Variants in CFAP20DC observed in about 807,000 individuals in gnomAD.
CFAP20DC encodes the protein CFAP20 domain containing.
In CFAP20DC, 84 loss-of-function variants were observed where a neutral mutation model predicts 101.7. The ratio of observed to expected loss-of-function variants is 0.83; its 90% CI spans 0.69 to 0.99. CFAP20DC has a LOEUF of 0.99. Among genes scored for constraint, CFAP20DC ranks in the 50% least tolerant of loss-of-function variants. CFAP20DC has a pLI of 0.00. For missense variants in CFAP20DC, 1,007 were observed against 970.3 expected (o/e 1.04, Z -0.50); for synonymous variants, 359 against 351.2 (o/e 1.02, Z -0.25).
intron 15 of CFAP20DC, chr3:58,794,239 C>T (rs2073068031): frequency 5.0e-6 from 2 of 398,012 alleles, no homozygotes; most frequent in Admixed American, 2.9e-5. Context: ...TTTTTTTTTC[C>T]CATGCCTACA....
At chr3:58,939,213 G>A (rs962089355) in intron 4 of CFAP20DC, among the ~76,000 whole-genome samples, 1 of 152,048 alleles carries the variant, frequency 6.6e-6, no homozygotes, top group African/African-American at 2.4e-5. Flanking sequence ...CTATATGGCA[G>A]GTATGTACAA....
intron 4 of CFAP20DC, among the ~76,000 whole-genome samples, chr3:58,988,729 T>C (rs1394699219): frequency 6.6e-5 from 10 of 152,198 alleles, no homozygotes; most frequent in Admixed American, 5.2e-4. Context: ...GAAATGTAAA[T>C]ATAAAATATG....
At chr3:58,891,359 C>T (rs1436663647) in intron 6 of CFAP20DC, among the ~76,000 whole-genome samples, 4 of 150,538 alleles carry the variant, frequency 2.7e-5, no homozygotes, top group Admixed American at 2.7e-4. Flanking sequence ...GCCGAGATGG[C>T]AGCAGTACAG....
intron 12 of CFAP20DC, among the ~76,000 whole-genome samples, chr3:58,854,270 A>G (rs1293684678): frequency 1.3e-5 from 2 of 151,698 alleles, no homozygotes; most frequent in Admixed American, 1.3e-4. Flanking sequence ...TAGGAATCCA[A>G]CTTACAAGGG....
intron 4 of CFAP20DC, among the ~76,000 whole-genome samples, chr3:59,023,475 T>G (rs1217107418): frequency 6.6e-6 from 1 of 151,962 alleles, no homozygotes; most frequent in Non-Finnish European, 1.5e-5. Flanking sequence ...AGTGGAGAGA[T>G]GGGATTAGGT....
chr3:58,835,096 C>A (rs1451696288), intron 13 of CFAP20DC, among the ~76,000 whole-genome samples: 1 of 152,176 alleles, frequency 6.6e-6, no homozygotes, highest in East Asian at 1.9e-4. Context: ...CTTCTCTGTC[C>A]CCCTTCTTCC....
chr3:58,813,108 A>G (rs2074803838), intron 14 of CFAP20DC, among the ~76,000 whole-genome samples: 1 of 151,874 alleles, frequency 6.6e-6, no homozygotes, highest in Non-Finnish European at 1.5e-5. Context: ...CAAGGCAGTC[A>G]TTTTCCCCAA....
chr3:58,909,828 T>G (rs2083966751), intron 6 of CFAP20DC, among the ~76,000 whole-genome samples: 2 of 152,162 alleles, frequency 1.3e-5, no homozygotes, highest in Admixed American at 1.3e-4. Context: ...CAACTCATCA[T>G]CTAAGTATTA....
chr3:58,900,326 C>T (rs182269574), intron 6 of CFAP20DC, among the ~76,000 whole-genome samples: 9 of 152,324 alleles, frequency 5.9e-5, no homozygotes, highest in Non-Finnish European at 1.2e-4. Context: ...TTAATAACAG[C>T]CTGGACTAGA....
At chr3:58,719,824 C>G (rs1559522549) in intron 3 of CFAP20DC, among the ~76,000 whole-genome samples, 1 of 152,224 alleles carries the variant, frequency 6.6e-6, no homozygotes. Flanking sequence ...TCAGACAGAA[C>G]TGACTGGAGT....
Position 58,950,595 on chromosome 3 carries a change from G to T in CFAP20DC, c.279-12833C>A, listed in dbSNP as rs534903380. ...CCAATGGAACAGAACAGAACTCTCA[G>T]AAATAACACCGCATATCTACAACCA... On this transcript the variant is annotated intron_variant, in intron 4 of 16. Coordinates refer to ENST00000482387, the MANE Select transcript of CFAP20DC (RefSeq NM_001394063.1). Among the ~76,000 whole-genome samples, 6 of 152,258 alleles carry T rather than the reference G, an allele frequency of 3.9e-5. No homozygotes were observed. The South Asian group carries it at 1.2e-3, about 32-fold the overall frequency.
chr3:59,021,764 C>T (rs987555894), intron 4 of CFAP20DC, among the ~76,000 whole-genome samples: 8 of 151,974 alleles, frequency 5.3e-5, no homozygotes, highest in Admixed American at 2.0e-4. Context: ...AACTGAGCAG[C>T]AGACTTACAA....
rs540233738 is a variant in CFAP20DC at position 58,717,508 on chromosome 3, A to C, written c.*80T>G. 1.3e-5 allele frequency: 5 copies of C among 392,682 alleles called. No homozygotes were observed. In the East Asian group the frequency reaches 3.8e-4, roughly 30 times the overall value. The allele number at this position is 392,682 out of a possible 1,614,324, so 24.3% of individuals were successfully genotyped here. On this transcript the variant is annotated 3_prime_UTR_variant, in exon 4 of 4. Coordinates refer to the CFAP20DC transcript ENST00000486145. The surrounding 1 kb of genome is among the most constrained non-coding windows in gnomAD (Gnocchi z 4.1). ...GTTCTGGAAACTGTAGTTCAGGATG[A>C]GTATAGATGCTCAAGGAAGAAGTGA...
intron 3 of CFAP20DC, among the ~76,000 whole-genome samples, chr3:58,730,432 G>T (rs1292354051): frequency 6.6e-6 from 1 of 152,170 alleles, no homozygotes; most frequent in Admixed American, 6.5e-5. Flanking sequence ...GAGTTAGTAG[G>T]CTGTTCAATG....
At chr3:59,032,786 A>C (rs1408053399) in intron 4 of CFAP20DC, among the ~76,000 whole-genome samples, 1 of 152,072 alleles carries the variant, frequency 6.6e-6, no homozygotes, top group East Asian at 1.9e-4. Context: ...GCAGACTTAA[A>C]CGTTCCTGCC....
intron 14 of CFAP20DC, among the ~76,000 whole-genome samples, chr3:58,812,832 G>C (rs1353259314): frequency 6.6e-6 from 1 of 151,796 alleles, no homozygotes; most frequent in African/African-American, 2.4e-5. Context: ...CCCAGTCATT[G>C]GACCTCATAG....
chr3:58,932,795 A>T (rs2086901511), intron 5 of CFAP20DC, among the ~76,000 whole-genome samples: 1 of 152,228 alleles, frequency 6.6e-6, no homozygotes, highest in Non-Finnish European at 1.5e-5. Context: ...GAAAGGAACA[A>T]CCAGTACCAG....
rs57196071 is a variant in CFAP20DC at position 59,044,987 on chromosome 3, G to GACACAC, written c.205+1236_205+1241dup. On this transcript the variant is annotated intron_variant, in intron 3 of 16. Transcript: ENST00000482387. ...GAAATGCAAAAAACCTCCTATTACA[G>GACACAC]ACACACACACACACACACACACACA... 3.5e-3 allele frequency among the ~76,000 whole-genome samples: 489 copies of GACACAC among 139,924 alleles called. 6 individuals are homozygous for GACACAC. Among genetic ancestry groups the GACACAC allele is most frequent in the African/African-American group, 0.011 (428 of 38,784 alleles). 91.8% of individuals were successfully genotyped at this position (139,924 alleles called of 152,430 possible).
chr3:58,829,297 G>C lies in CFAP20DC; in HGVS notation c.2175+2389C>G, dbSNP rs531277757. ...GATCGAGCCACTGCACTCCAGCCTGGGTAATAGGGTGAGACTCAGTCTCAA... is the reference window on the plus strand; with the variant it reads ...GATCGAGCCACTGCACTCCAGCCTGCGTAATAGGGTGAGACTCAGTCTCAA... On this transcript the variant is annotated intron_variant, in intron 14 of 16. Coordinates refer to ENST00000482387, the MANE Select transcript of CFAP20DC (RefSeq NM_001394063.1). Among the ~76,000 whole-genome samples the C allele has an allele frequency of 6.7e-4, 101 of 150,324 alleles. No homozygotes were observed. The Middle Eastern group carries it at 0.01, about 15-fold the overall frequency.
Sources: allele counts gnomAD v4.1 joint callset (sites outside exome capture counted in the v4.1 genomes callset), GRCh38; gene constraint gnomAD v4.1.1; non-coding constraint Gnocchi (gnomAD v3.1); transcripts MANE v1.5; gene names NCBI Gene and HGNC (gene_info 2026-07-23, HGNC 2026-07-21).